MAPK4: variants seen among roughly 807,000 people sequenced by gnomAD.
The protein encoded by MAPK4 is Erk3-related.
A neutral mutation model predicts 47.7 loss-of-function variants in MAPK4; 22 were observed. The ratio of observed to expected loss-of-function variants is 0.46; its 90% CI spans 0.33 to 0.66. The LOEUF (loss-of-function observed/expected upper bound fraction) is 0.66, where lower values mean the gene tolerates loss of function less well. MAPK4 is among the 30% of genes least tolerant of loss of function. The pLI, the probability that MAPK4 is intolerant of heterozygous loss-of-function variation, is 0.02. For missense variants in MAPK4, 736 were observed against 831.7 expected, an observed-to-expected ratio of 0.88 and a Z score of 1.42; for synonymous variants, 390 against 365.7, an observed-to-expected ratio of 1.07 and a Z score of -0.76.
chr18:50,632,713 A>G (rs1202263715), intron 1 of MAPK4, among the ~76,000 whole-genome samples: 6 of 144,722 alleles, frequency 4.1e-5, no homozygotes, highest in African/African-American at 1.6e-4. Context: ...TCAGCCTCCC[A>G]GGTTCAAGCA....
At chr18:50,684,093 G>C (rs1908735711) in intron 2 of MAPK4, among the ~76,000 whole-genome samples, 1 of 152,196 alleles carries the variant, frequency 6.6e-6, no homozygotes, top group African/African-American at 2.4e-5. Flanking sequence ...GGGTGCTAAG[G>C]AAAGAAGGGA....
rs568444171 is a variant in MAPK4 at position 50,632,719 on chromosome 18, A to G, written c.-870-30370A>G. On this transcript the variant is annotated intron_variant, in intron 1 of 5. Transcript: ENST00000400384. The stretch of plus-strand genomic sequence containing the variant: ...ATTGCAACCTCAGCCTCCCAGGTTC[A>G]AGCAATTCTCCTGCCTCAGGCTCCT... 1.2e-3 allele frequency among the ~76,000 whole-genome samples: 173 copies of G among 149,752 alleles called. 1 individual carries two copies. The highest frequency in any genetic ancestry group is 2.0e-3 in the Admixed American group (30 of 14,784).
At chr18:50,690,629 C>T (rs1909160250) in intron 2 of MAPK4, among the ~76,000 whole-genome samples, 1 of 152,148 alleles carries the variant, frequency 6.6e-6, no homozygotes. Context: ...ACAATAGGAT[C>T]ATTTCAATTT....
intron 1 of MAPK4, among the ~76,000 whole-genome samples, chr18:50,642,262 T>C (rs905552427): frequency 3.9e-5 from 6 of 152,252 alleles, no homozygotes. Context: ...TTATTGTATA[T>C]TTGGGAAGAG....
At chr18:50,582,083 G>A (rs572669907) in intron 1 of MAPK4, among the ~76,000 whole-genome samples, 1 of 152,184 alleles carries the variant, frequency 6.6e-6, no homozygotes, top group Non-Finnish European at 1.5e-5. Flanking sequence ...CAGTGGGTCT[G>A]TACCCTGGCT....
At chr18:50,608,483 C>CT (rs1013210977) in intron 1 of MAPK4, among the ~76,000 whole-genome samples, 8 of 151,908 alleles carry the variant, frequency 5.3e-5, no homozygotes, top group South Asian at 2.1e-4. Context: ...GATCCACTTC[C>CT]TTTTTTTTAC....
intron 1 of MAPK4, among the ~76,000 whole-genome samples, chr18:50,599,435 T>C (rs1370759881): frequency 6.6e-6 from 1 of 152,066 alleles, no homozygotes; most frequent in Non-Finnish European, 1.5e-5. Context: ...ATTATTATTA[T>C]TTTGAGACGG....
chr18:50,729,529 G>A lies in MAPK4; in HGVS notation c.1439G>A (p.Gly480Glu). ...ACGGCCACGGGGCTGGCGGACACGGGGGCGCGCGAGGACGAGCCGGCCAGC... is the reference window on the plus strand; with the variant it reads ...ACGGCCACGGGGCTGGCGGACACGGAGGCGCGCGAGGACGAGCCGGCCAGC... ...PPTATGLADTGAREDEPASLF... is the reference protein window; with the variant it reads ...PPTATGLADTEAREDEPASLF... The change falls in exon 6 of 6, where the codon GGG becomes GAG. Residue 480 changes from glycine (G) to glutamate (E), a missense_variant. By Grantham distance (98) the Gly-to-Glu change is moderately conservative (BLOSUM62 -2). Transcript: ENST00000400384. 2 of 1,434,104 alleles carry A rather than the reference G, an allele frequency of 1.4e-6. No individual in the cohort carries two copies. Among genetic ancestry groups the A allele is most frequent in the South Asian group, 1.5e-5 (1 of 66,214 alleles). 88.8% of individuals were successfully genotyped at this position (1,434,104 alleles called of 1,614,324 possible). A position where few individuals can be genotyped will look rare whatever the true frequency, so the allele number is the denominator to read the frequency against.
At chr18:50,659,804 G>A (rs921848274) in intron 1 of MAPK4, among the ~76,000 whole-genome samples, 14 of 152,162 alleles carry the variant, frequency 9.2e-5, no homozygotes, top group Admixed American at 3.3e-4. Flanking sequence ...ACGATTGAAC[G>A]AGTGACCTTT....
chr18:50,628,336 C>A (rs750676860), intron 1 of MAPK4, among the ~76,000 whole-genome samples: 5 of 152,124 alleles, frequency 3.3e-5, no homozygotes, highest in Non-Finnish European at 5.9e-5. Context: ...GCTGGCAGGC[C>A]ACAGGGAGTA....
At chr18:50,567,751 T>TGTGG (rs1555644022) in intron 1 of MAPK4, among the ~76,000 whole-genome samples, 1 of 151,488 alleles carries the variant, frequency 6.6e-6, no homozygotes, top group Non-Finnish European at 1.5e-5. Flanking sequence ...TGTGTGTGTG[T>TGTGG]GTGGGTGGGT....
At chr18:50,655,310 G>C (rs1228630671) in intron 1 of MAPK4, among the ~76,000 whole-genome samples, 5 of 152,116 alleles carry the variant, frequency 3.3e-5, no homozygotes, top group Non-Finnish European at 5.9e-5. Context: ...GACTAAGCTG[G>C]GCTTTTGGCT....
chr18:50,648,057 GC>G (rs2043007596), intron 1 of MAPK4, among the ~76,000 whole-genome samples: 1 of 151,850 alleles, frequency 6.6e-6, no homozygotes. Context: ...TAGACACCAT[GC>G]TTTTGCTCTT....
chr18:50,662,917 C>A (rs576462146), intron 1 of MAPK4, among the ~76,000 whole-genome samples, 172 bp from the exon 2 acceptor site: 22 of 152,332 alleles, frequency 1.4e-4, no homozygotes, highest in Admixed American at 7.2e-4. Flanking sequence ...GGGAGTGCTA[C>A]GCACAGCAGG....
At chr18:50,633,784 A>T (rs148618584) in intron 1 of MAPK4, among the ~76,000 whole-genome samples, 1 of 152,288 alleles carries the variant, frequency 6.6e-6, no homozygotes, top group Non-Finnish European at 1.5e-5. Flanking sequence ...AGGGTTGGTG[A>T]TGAGCTGCCG....
At position 50,729,711 on chromosome 18, in the gene MAPK4, G is replaced by A. The variant is rs1438220005; in HGVS notation, c.1621G>A (p.Val541Met). 4 of 1,576,442 alleles carry A rather than the reference G, an allele frequency of 2.5e-6. No individual in the cohort carries two copies. The highest frequency in any genetic ancestry group is 4.6e-5 in the East Asian group (2 of 43,298). The change falls in exon 6 of 6, where the codon GTG becomes ATG. Residue 541 changes from valine to methionine, a missense_variant. By Grantham distance (21) the Val-to-Met change is conservative. Coordinates refer to ENST00000400384, the MANE Select transcript of MAPK4 (RefSeq NM_002747.4). ...CGCCAGCCCCCAGTTCGACCTGGAC[G>A]TGTTCATCTCCCGCGCCCTGAAGCT... ...GGASPQFDLDVFISRALKLCT... is the reference protein window; with the variant it reads ...GGASPQFDLDMFISRALKLCT...
intron 1 of MAPK4, among the ~76,000 whole-genome samples, chr18:50,643,033 T>C (rs2042954134): frequency 6.6e-6 from 1 of 151,866 alleles, no homozygotes; most frequent in Non-Finnish European, 1.5e-5. Context: ...CTCAACTCAA[T>C]ATGAGAATAT....
At chr18:50,605,533 C>T (rs2042575500) in intron 1 of MAPK4, among the ~76,000 whole-genome samples, 1 of 152,232 alleles carries the variant, frequency 6.6e-6, no homozygotes, top group African/African-American at 2.4e-5. Flanking sequence ...TGCCCCTGCT[C>T]CTATGGCCAG....
chr18:50,605,022 A>T (rs1598817038), intron 1 of MAPK4, among the ~76,000 whole-genome samples: 1 of 152,338 alleles, frequency 6.6e-6, no homozygotes, highest in Middle Eastern at 3.4e-3. Context: ...ACAGCCTGAC[A>T]TTACTGCCAT....
Sources: allele counts gnomAD v4.1 joint callset (sites outside exome capture counted in the v4.1 genomes callset), GRCh38; gene constraint gnomAD v4.1.1; transcripts MANE v1.5; gene names NCBI Gene and HGNC (gene_info 2026-07-23, HGNC 2026-07-21).